BIN2: variants seen among roughly 807,000 people sequenced by gnomAD.
BIN2 encodes the protein breast cancer associated protein BRAP1.
A neutral mutation model predicts 67.9 loss-of-function variants in BIN2; 43 were observed. That is an observed-to-expected ratio of 0.63 (90% CI 0.50 to 0.82). The LOEUF (loss-of-function observed/expected upper bound fraction) is 0.82. BIN2 is among the 40% of genes least tolerant of loss of function. BIN2 has a pLI of 0.00. For missense variants in BIN2, 581 were observed against 671.6 expected (o/e 0.87, Z 1.49); for synonymous variants, 244 against 246.8 (o/e 0.99, Z 0.11).
intron 1 of BIN2, among the ~76,000 whole-genome samples, chr12:51,317,473 G>T: frequency 6.6e-6 from 1 of 151,162 alleles, no homozygotes; most frequent in East Asian, 2.0e-4. Flanking sequence ...TTTGAGACCA[G>T]CCTGACCAAC....
chr12:51,317,213 T>C (rs1009105663), intron 1 of BIN2, among the ~76,000 whole-genome samples: 12 of 152,188 alleles, frequency 7.9e-5, no homozygotes, highest in African/African-American at 2.9e-4. Context: ...TCCTAAACTA[T>C]AGGCTCCTTA....
chr12:51,306,356 G>A (rs57941347), intron 2 of BIN2, among the ~76,000 whole-genome samples: 31,755 of 152,170 alleles, frequency 0.21, 4,005 homozygotes, highest in Middle Eastern at 0.32. Context: ...GCCAGGCGAG[G>A]TAGCTCAAAT....
intron 9 of BIN2, among the ~76,000 whole-genome samples, chr12:51,294,531 C>T (rs1945480799): frequency 1.3e-5 from 2 of 149,916 alleles, no homozygotes; most frequent in African/African-American, 2.5e-5. Flanking sequence ...TGTGCCATTG[C>T]ACTCCAGCCT....
chr12:51,299,815 T>A lies in BIN2; in HGVS notation c.409-101A>T, dbSNP rs1253093979. On this transcript the variant is annotated intron_variant, in intron 5 of 12. Coordinates refer to ENST00000615107, the MANE Select transcript of BIN2 (RefSeq NM_016293.4). ...AGAGAGCAAGATTCTTGCATCCTAC[T>A]ATCAAATTTCACTTTCGTTGTTTTT... is the stretch of plus-strand genomic sequence containing the variant. 4.8e-6 allele frequency: 5 copies of A among 1,034,030 alleles called. No homozygotes were observed. In the Admixed American group the frequency reaches 9.7e-5, roughly 20 times the overall value. The allele number at this position is 1,034,030 out of a possible 1,614,324, so 64.1% of individuals were successfully genotyped here. A position where few individuals can be genotyped will look rare whatever the true frequency, so the allele number is the denominator to read the frequency against.
At chr12:51,311,991 C>T (rs1043051393) in intron 2 of BIN2, among the ~76,000 whole-genome samples, 3 of 152,052 alleles carry the variant, frequency 2.0e-5, no homozygotes, top group African/African-American at 2.4e-5. Context: ...AGGCTGGTCT[C>T]GAACTCCTGA....
At chr12:51,288,553 G>A (rs552490674) in intron 10 of BIN2, among the ~76,000 whole-genome samples, 2 of 151,076 alleles carry the variant, frequency 1.3e-5, no homozygotes, top group Non-Finnish European at 2.9e-5. Flanking sequence ...TCTGTCTTCC[G>A]CACTAAAATA....
In BIN2 at chr12:51,284,763, T is replaced by C. The variant is rs750694548; in HGVS notation, c.1621A>G (p.Met541Val). 3 of 1,613,646 alleles carry C rather than the reference T, an allele frequency of 1.9e-6. No homozygotes were observed. The highest frequency in any genetic ancestry group is 2.5e-6 in the Non-Finnish European group (3 of 1,179,590). The change falls in exon 12 of 13, where the codon ATG becomes GTG. Residue 541 changes from methionine to valine, a missense_variant. By Grantham distance (21) the Met-to-Val change is conservative. Transcript: ENST00000615107. Reference protein sequence around the residue: ...SEGQDQLQVSMVPENNNLTAP... With the variant: ...SEGQDQLQVSVVPENNNLTAP... ...GTGAGGTTGTTGTTTTCTGGTACCA[T>C]GGAGACTTGAAGCTGGTCTTGGCCC...
intron 7 of BIN2, 54 bp from the exon 8 acceptor site, chr12:51,297,218 C>A: frequency 1.9e-6 from 3 of 1,540,682 alleles, no homozygotes; most frequent in Non-Finnish European, 2.7e-6. Flanking sequence ...GAAAGGAGTT[C>A]TTTGTTTGAA....
intron 1 of BIN2, 72 bp downstream of exon 1, chr12:51,323,950 C>T: frequency 6.3e-7 from 1 of 1,583,260 alleles, no homozygotes; most frequent in Non-Finnish European, 8.6e-7. Context: ...GCCCGCCCCT[C>T]CTGCCCGGCC....
chr12:51,292,084 T>C lies in BIN2; in HGVS notation c.1022A>G (p.Asn341Ser), dbSNP rs550831260. ...SEEDEPLPAC[N>S]GPAQAQPSPT... ...AGAGGGCTGGGCCTGGGCGGGGCCA[T>C]TGCAGGCTGGTAGAGGCTCATCTTC... The change falls in exon 10 of 13, where the codon AAT becomes AGT. Residue 341 changes from asparagine to serine, a missense_variant. Coordinates refer to ENST00000615107, the MANE Select transcript of BIN2 (RefSeq NM_016293.4). 1.9e-6 allele frequency: 3 copies of C among 1,614,194 alleles called. No individual in the cohort carries two copies. Among genetic ancestry groups the C allele is most frequent in the African/African-American group, 1.3e-5 (1 of 75,042 alleles).
intron 10 of BIN2, among the ~76,000 whole-genome samples, chr12:51,290,807 C>T (rs1296669568): frequency 6.6e-6 from 1 of 152,126 alleles, no homozygotes; most frequent in African/African-American, 2.4e-5. Flanking sequence ...GTGGCCGGCA[C>T]CCGTAGTCCC....
At position 51,297,168 on chromosome 12, in the gene BIN2, T is replaced by C. The variant is rs1182307664; in HGVS notation, c.603-4A>G. On this transcript the variant is annotated splice_polypyrimidine_tract_variant and splice_region_variant and intron_variant, in intron 7 of 12. Coordinates refer to ENST00000615107, the MANE Select transcript of BIN2 (RefSeq NM_016293.4). ...GGTCACATAGCAGCCAATACGACTA[T>C]TAGGAAGCAAAACCACAAACACATA... is the stretch of plus-strand genomic sequence containing the variant. 6.2e-7 allele frequency: 1 copy of C among 1,612,992 alleles called. No individual in the cohort carries two copies. The highest frequency in any genetic ancestry group is 1.1e-5 in the South Asian group (1 of 91,034).
intron 2 of BIN2, among the ~76,000 whole-genome samples, chr12:51,307,684 T>C (rs565742159): frequency 6.6e-6 from 1 of 150,762 alleles, no homozygotes; most frequent in South Asian, 2.1e-4. Context: ...CACTCCAACC[T>C]GGGCGACAAG....
rs769825439 is a variant in BIN2, at chr12:51,284,689, A to G, written c.1668+27T>C. The G allele has an allele frequency of 7.1e-6, 11 of 1,556,922 alleles. No homozygotes were observed. The African/African-American group carries it at 9.5e-5, about 13-fold the overall frequency. On this transcript the variant is annotated intron_variant, in intron 12 of 12. Coordinates refer to ENST00000615107, the MANE Select transcript of BIN2 (RefSeq NM_016293.4). The stretch of plus-strand genomic sequence containing the variant: ...CAAACCCCTGTCAATCTAATGCCCA[A>G]TCTATTCTCTGTATATCTGGTCTTA...
intron 2 of BIN2, among the ~76,000 whole-genome samples, chr12:51,313,220 A>AAGGAAGGAAGAAAGGC (rs1319737260): frequency 7.2e-6 from 1 of 138,130 alleles, no homozygotes; most frequent in East Asian, 2.6e-4. Flanking sequence ...GGAAGGAAGG[A>AAGGAAGGAAGAAAGGC]AGGCAGGAAG....
At chr12:51,318,066 A>G (rs188315386) in intron 1 of BIN2, among the ~76,000 whole-genome samples, 77 of 152,342 alleles carry the variant, frequency 5.1e-4, no homozygotes, top group Non-Finnish European at 9.4e-4. Context: ...AGTTAGAGAC[A>G]ACAGCATCAG....
chr12:51,288,083 TG>T, intron 11 of BIN2, 24 bp downstream of exon 11: 2 of 1,519,446 alleles, frequency 1.3e-6, no homozygotes, highest in Non-Finnish European at 1.8e-6. Flanking sequence ...GGCATCATCA[TG>T]TAGATGACTT....
intron 2 of BIN2, among the ~76,000 whole-genome samples, chr12:51,305,826 C>CTTTTTTTTTTTTT (rs1168899685): frequency 3.8e-4 from 31 of 82,440 alleles, no homozygotes; most frequent in South Asian, 1.1e-3. Context: ...TGTTTTCTTT[C>CTTTTTTTTTTTTT]TTTTTTTTTT....
intron 9 of BIN2, among the ~76,000 whole-genome samples, chr12:51,295,321 G>C (rs1405320967): frequency 1.3e-5 from 2 of 150,372 alleles, no homozygotes; most frequent in Non-Finnish European, 1.5e-5. Context: ...GGCCGAGGCG[G>C]GCGGATCACG....
Sources: gnomAD v4.1 joint callset for allele counts (sites outside exome capture counted in the v4.1 genomes callset) on GRCh38, gnomAD v4.1.1 for gene constraint, MANE v1.5 for transcripts, NCBI Gene and HGNC (gene_info 2026-07-23, HGNC 2026-07-21) for gene names.